HIBADH: variants seen among roughly 807,000 people sequenced by gnomAD.
The protein encoded by HIBADH is 3-hydroxyisobutyrate dehydrogenase, mitochondrial.
In HIBADH, 25 loss-of-function variants were observed where a neutral mutation model predicts 36.1. The ratio of observed to expected loss-of-function variants is 0.69; its 90% confidence interval spans 0.50 to 0.97. HIBADH has a LOEUF of 0.97. Among genes scored for constraint, HIBADH ranks in the 50% least tolerant of loss-of-function variants. HIBADH has a pLI of 0.00. For synonymous variants in HIBADH, 160 were observed against 149.5 expected, an observed-to-expected ratio of 1.07 and a Z score of -0.51; for missense variants, 421 against 418.0, an observed-to-expected ratio of 1.01 and a Z score of -0.06.
At chr7:27,542,727 C>T (rs1403169742) in intron 5 of HIBADH, among the ~76,000 whole-genome samples, 1 of 152,034 alleles carries the variant, frequency 6.6e-6, no homozygotes, top group Non-Finnish European at 1.5e-5. Context: ...GTTGGGATTA[C>T]AGGCATGAGC....
chr7:27,549,291 G>A (rs1372950089), intron 4 of HIBADH, among the ~76,000 whole-genome samples: 1 of 152,172 alleles, frequency 6.6e-6, no homozygotes. Flanking sequence ...CACAAAAATA[G>A]TATGTGAGGT....
chr7:27,648,561 AT>A (rs1372724974), intron 2 of HIBADH, among the ~76,000 whole-genome samples: 1 of 152,106 alleles, frequency 6.6e-6, no homozygotes, highest in Non-Finnish European at 1.5e-5. Context: ...TTTCTCAGGA[AT>A]TTTTTAGTAT....
chr7:27,540,134 G>T (rs1332684016), intron 5 of HIBADH, among the ~76,000 whole-genome samples: 1 of 152,090 alleles, frequency 6.6e-6, no homozygotes, highest in Non-Finnish European at 1.5e-5. Context: ...CTCTAAAAAC[G>T]TTTTTGTATG....
chr7:27,576,989 T>C (rs760255800), intron 4 of HIBADH, among the ~76,000 whole-genome samples: 12 of 152,260 alleles, frequency 7.9e-5, no homozygotes, highest in Middle Eastern at 3.4e-3. Flanking sequence ...CAACAATTTC[T>C]GATTCAATGC....
At chr7:27,532,622 G>GTT (rs1186005632) in intron 6 of HIBADH, among the ~76,000 whole-genome samples, 1 of 152,186 alleles carries the variant, frequency 6.6e-6, no homozygotes, top group East Asian at 1.9e-4. Flanking sequence ...CTGCTATGTG[G>GTT]CATATCATGT....
intron 4 of HIBADH, among the ~76,000 whole-genome samples, chr7:27,594,117 T>G (rs1353228110): frequency 1.3e-5 from 2 of 149,622 alleles, no homozygotes; most frequent in Non-Finnish European, 3.0e-5. Flanking sequence ...TGAAGAAATG[T>G]TTAGGTTGTT....
intron 4 of HIBADH, among the ~76,000 whole-genome samples, chr7:27,620,303 G>A (rs1362236767): frequency 2.0e-5 from 3 of 152,108 alleles, no homozygotes; most frequent in Non-Finnish European, 4.4e-5. Context: ...CTGGGCAACA[G>A]ACTGAGACCT....
intron 4 of HIBADH, among the ~76,000 whole-genome samples, chr7:27,611,799 A>G (rs932000449): frequency 9.2e-5 from 14 of 152,224 alleles, no homozygotes; most frequent in African/African-American, 3.4e-4. Flanking sequence ...TGATACAAAG[A>G]TAAATGTTCC....
intron 2 of HIBADH, among the ~76,000 whole-genome samples, chr7:27,647,348 AT>A (rs1273513415): frequency 2.6e-5 from 4 of 152,142 alleles, no homozygotes; most frequent in African/African-American, 9.7e-5. Context: ...TAAATTGTTT[AT>A]TTCTTGAATT....
At chr7:27,601,367 AATG>A (rs1426856569) in intron 4 of HIBADH, among the ~76,000 whole-genome samples, 7 of 152,126 alleles carry the variant, frequency 4.6e-5, no homozygotes, top group Admixed American at 3.3e-4. Context: ...TACAACACCA[AATG>A]ATAATTGCAA....
chr7:27,574,834 A>T (rs886331387), intron 4 of HIBADH, among the ~76,000 whole-genome samples: 6 of 152,232 alleles, frequency 3.9e-5, no homozygotes, highest in Non-Finnish European at 7.3e-5. Flanking sequence ...TTCAAAATAG[A>T]GCTATGTACA....
chr7:27,644,092 A>G (rs1307732530), intron 2 of HIBADH, among the ~76,000 whole-genome samples: 1 of 152,186 alleles, frequency 6.6e-6, no homozygotes, highest in Admixed American at 6.5e-5. Context: ...CAATTCACCC[A>G]TTTAAAGTAT....
chr7:27,557,223 G>A (rs77434223), intron 4 of HIBADH, among the ~76,000 whole-genome samples: 1,961 of 150,884 alleles, frequency 0.013, 16 homozygotes, highest in Middle Eastern at 0.048. Context: ...GAAATAACAC[G>A]GTTTTGCATT....
At chr7:27,617,380 A>G (rs1164555005) in intron 4 of HIBADH, among the ~76,000 whole-genome samples, 1 of 152,176 alleles carries the variant, frequency 6.6e-6, no homozygotes, top group Non-Finnish European at 1.5e-5. Context: ...ATTGCTTAAC[A>G]TTAAGTGACA....
intron 2 of HIBADH, among the ~76,000 whole-genome samples, chr7:27,636,178 C>T (rs1036292316): frequency 1.3e-5 from 2 of 152,168 alleles, no homozygotes; most frequent in Admixed American, 6.5e-5. Flanking sequence ...TACCTAGTTG[C>T]TTTACATGAA....
chr7:27,628,405 T>C (rs976833965), intron 4 of HIBADH, among the ~76,000 whole-genome samples: 1 of 152,142 alleles, frequency 6.6e-6, no homozygotes, highest in African/African-American at 2.4e-5. Context: ...ATAAAATTCA[T>C]ATTCTGCTGT....
At chr7:27,570,273 C>G (rs747343092) in intron 4 of HIBADH, among the ~76,000 whole-genome samples, 2 of 152,146 alleles carry the variant, frequency 1.3e-5, no homozygotes, top group Admixed American at 1.3e-4. Context: ...TCATCTTAAC[C>G]ACAACTGGAA....
At chr7:27,656,369 T>C (rs1222659062) in intron 1 of HIBADH, among the ~76,000 whole-genome samples, 1 of 152,170 alleles carries the variant, frequency 6.6e-6, no homozygotes, top group East Asian at 1.9e-4. Context: ...TCATAACTAA[T>C]TATATATTAA....
intron 4 of HIBADH, among the ~76,000 whole-genome samples, chr7:27,610,840 A>AT: frequency 6.6e-6 from 1 of 152,278 alleles, no homozygotes; most frequent in South Asian, 2.1e-4. Flanking sequence ...AATAGAAATA[A>AT]TTTTTTGTGG....
Sources: allele counts gnomAD v4.1 joint callset (sites outside exome capture counted in the v4.1 genomes callset), GRCh38; gene constraint gnomAD v4.1.1; transcripts MANE v1.5; gene names NCBI Gene and HGNC (gene_info 2026-07-23, HGNC 2026-07-21).